WDR70: variants seen among roughly 807,000 people sequenced by gnomAD.
WDR70 encodes WD repeat domain 70, also known as WD repeat-containing protein 70.
In WDR70, 53 loss-of-function variants were observed where a neutral mutation model predicts 88.6. The observed-to-expected ratio is 0.60, with a 90% CI of 0.48 to 0.75. The LOEUF (loss-of-function observed/expected upper bound fraction) is 0.75, where lower values mean the gene tolerates loss of function less well. Ranked by LOEUF, WDR70 falls within the 30% of genes least tolerant of loss-of-function variation. WDR70 has a pLI of 0.00. For missense variants in WDR70, 610 were observed against 823.2 expected, an observed-to-expected ratio of 0.74 and a Z score of 3.17; for synonymous variants, 280 against 270.0, an observed-to-expected ratio of 1.04 and a Z score of -0.36.
intron 10 of WDR70, among the ~76,000 whole-genome samples, chr5:37,685,326 G>A (rs1176541350): frequency 6.6e-6 from 1 of 152,090 alleles, no homozygotes; most frequent in Non-Finnish European, 1.5e-5. Flanking sequence ...TGGTTGCCGT[G>A]GGCCTGGGGG....
chr5:37,541,833 A>T (rs904752703), intron 9 of WDR70, among the ~76,000 whole-genome samples: 2 of 152,124 alleles, frequency 1.3e-5, no homozygotes, highest in South Asian at 2.1e-4. Context: ...CAGAGACTTT[A>T]AAAAAAATCA....
chr5:37,461,615 C>T (rs1739007461), intron 7 of WDR70, among the ~76,000 whole-genome samples: 1 of 152,060 alleles, frequency 6.6e-6, no homozygotes. Context: ...ACCTGAGGAG[C>T]TGGGACTACA....
chr5:37,519,187 C>T (rs997334593), intron 9 of WDR70, among the ~76,000 whole-genome samples: 2 of 152,344 alleles, frequency 1.3e-5, no homozygotes, highest in Admixed American at 6.5e-5. Flanking sequence ...GGCCCATTCT[C>T]GATGATCGCT....
chr5:37,396,347 CAA>C (rs757202722), intron 4 of WDR70, 26 bp from the exon 5 acceptor site: 6 of 1,575,334 alleles, frequency 3.8e-6, no homozygotes, highest in Non-Finnish European at 4.3e-6. Flanking sequence ...GCAGCAGAGG[CAA>C]AGAGTTTCTG....
intron 4 of WDR70, among the ~76,000 whole-genome samples, chr5:37,392,655 C>CT (rs1561835084): frequency 6.6e-6 from 1 of 151,824 alleles, no homozygotes; most frequent in Non-Finnish European, 1.5e-5. Flanking sequence ...CCAGTTATTA[C>CT]TTTTTTTGAG....
rs199796275 is a variant in WDR70 at position 37,629,386 on chromosome 5, C to CT, written c.1092+24154dup. On this transcript the variant is annotated intron_variant, in intron 10 of 17. Transcript: ENST00000265107. ...ATATGATTTCCTCACCTTTACCCTT[C>CT]TTTTTTCCATCTGGAATGCCCATAG... Among the ~76,000 whole-genome samples the CT allele has an allele frequency of 6.6e-3, 1,001 of 152,238 alleles. 13 individuals carry two copies. Among genetic ancestry groups the CT allele is most frequent in the African/African-American group, 0.023 (956 of 41,546 alleles).
At chr5:37,409,879 T>C (rs1749469003) in intron 5 of WDR70, among the ~76,000 whole-genome samples, 1 of 152,208 alleles carries the variant, frequency 6.6e-6, no homozygotes, top group South Asian at 2.1e-4. Flanking sequence ...CTATTATAAT[T>C]CATTCCTCAG....
intron 5 of WDR70, among the ~76,000 whole-genome samples, chr5:37,398,503 C>G (rs1749096818): frequency 6.6e-6 from 1 of 152,190 alleles, no homozygotes; most frequent in Non-Finnish European, 1.5e-5. Context: ...GTAAATCTGT[C>G]AATGACTGTC....
intron 8 of WDR70, among the ~76,000 whole-genome samples, chr5:37,480,694 G>A (rs1739637009): frequency 6.6e-6 from 1 of 152,150 alleles, no homozygotes. Context: ...TGAGATTTGG[G>A]TGGGGACACA....
intron 9 of WDR70, among the ~76,000 whole-genome samples, chr5:37,524,264 A>G (rs892578268): frequency 3.3e-5 from 5 of 152,262 alleles, no homozygotes; most frequent in Non-Finnish European, 7.3e-5. Context: ...GAAGCCCATC[A>G]GAATAACAGC....
At chr5:37,708,695 G>A (rs568011575) in intron 13 of WDR70, among the ~76,000 whole-genome samples, 3 of 152,012 alleles carry the variant, frequency 2.0e-5, no homozygotes, top group Non-Finnish European at 2.9e-5. Flanking sequence ...AGGGACATAC[G>A]GCCATTCAGA....
chr5:37,461,866 G>GT (rs1561861270), intron 7 of WDR70, among the ~76,000 whole-genome samples: 1 of 152,114 alleles, frequency 6.6e-6, no homozygotes, highest in Non-Finnish European at 1.5e-5. Flanking sequence ...CTTCCACATT[G>GT]TTTTTTGTGC....
intron 13 of WDR70, among the ~76,000 whole-genome samples, chr5:37,709,395 G>A (rs558725577): frequency 3.7e-4 from 57 of 152,164 alleles, no homozygotes; most frequent in Non-Finnish European, 6.0e-4. Context: ...GGGAGCCTGA[G>A]TAACATATTT....
chr5:37,515,832 G>A (rs1412111316), intron 8 of WDR70, among the ~76,000 whole-genome samples: 1 of 152,126 alleles, frequency 6.6e-6, no homozygotes, highest in Non-Finnish European at 1.5e-5. Context: ...GCCTAAGAGG[G>A]AATTATGCAT....
At chr5:37,751,472 A>G (rs978379941) in intron 17 of WDR70, among the ~76,000 whole-genome samples, 9 of 152,242 alleles carry the variant, frequency 5.9e-5, no homozygotes, top group Non-Finnish European at 1.3e-4. Flanking sequence ...ATGTCAGACA[A>G]CATCAGCATG....
intron 9 of WDR70, among the ~76,000 whole-genome samples, chr5:37,569,757 G>A (rs945365815): frequency 1.3e-5 from 2 of 152,166 alleles, no homozygotes; most frequent in Non-Finnish European, 2.9e-5. Flanking sequence ...CAGTGGAATA[G>A]AAATTCTAAT....
intron 5 of WDR70, among the ~76,000 whole-genome samples, chr5:37,412,845 C>G (rs1749567205): frequency 6.6e-6 from 1 of 152,094 alleles, no homozygotes; most frequent in Admixed American, 6.6e-5. Context: ...TCTTTTAGTT[C>G]CCAGGAGTTG....
chr5:37,617,591 G>A (rs1744381031), intron 10 of WDR70, among the ~76,000 whole-genome samples: 1 of 152,166 alleles, frequency 6.6e-6, no homozygotes. Context: ...AGTTGGCTAA[G>A]GACAGAAAAG....
intron 5 of WDR70, among the ~76,000 whole-genome samples, chr5:37,422,359 A>G (rs1749970800): frequency 1.3e-4 from 1 of 7,862 alleles, no homozygotes; most frequent in Non-Finnish European, 0.01. Flanking sequence ...GTGGTGCAAT[A>G]TCGACTTATG....
Sources: gnomAD v4.1 joint callset for allele counts (sites outside exome capture counted in the v4.1 genomes callset) on GRCh38, gnomAD v4.1.1 for gene constraint, MANE v1.5 for transcripts, NCBI Gene and HGNC (gene_info 2026-07-23, HGNC 2026-07-21) for gene names.